DLG2: variants seen among roughly 807,000 people sequenced by gnomAD.
DLG2 encodes the protein discs large MAGUK scaffold protein 2, also known as disks large homolog 2.
In DLG2, 45 loss-of-function variants were observed where a neutral mutation model predicts 132.5. The observed-to-expected ratio is 0.34, with a 90% CI of 0.27 to 0.44. DLG2 has a LOEUF of 0.44. DLG2 is among the 20% of genes least tolerant of loss of function. The pLI is 1.00. For missense variants in DLG2, 1,045 were observed against 1,196.9 expected (o/e 0.87, Z 1.87); for synonymous variants, 424 against 419.6 (o/e 1.01, Z -0.13).
At chr11:85,079,159 G>A (rs1044194928) in intron 6 of DLG2, among the ~76,000 whole-genome samples, 8 of 152,042 alleles carry the variant, frequency 5.3e-5, no homozygotes, top group African/African-American at 1.9e-4. Context: ...TTTTCTGATT[G>A]GCAATTGTTT....
intron 6 of DLG2, among the ~76,000 whole-genome samples, chr11:84,535,046 G>T (rs111442510): frequency 6.6e-6 from 1 of 152,286 alleles, no homozygotes; most frequent in South Asian, 2.1e-4. Flanking sequence ...TAAGTGAGGA[G>T]GTAACCCTCC....
intron 8 of DLG2, among the ~76,000 whole-genome samples, chr11:84,233,237 T>C (rs1332626942): frequency 6.6e-6 from 1 of 152,182 alleles, no homozygotes. Flanking sequence ...TAACCGCTAC[T>C]CTAAAATAAT....
At chr11:84,684,351 G>A (rs2099736168) in intron 6 of DLG2, among the ~76,000 whole-genome samples, 1 of 152,128 alleles carries the variant, frequency 6.6e-6, no homozygotes, top group African/African-American at 2.4e-5. Context: ...TGTGGCCCAT[G>A]TCTTGACTTC....
chr11:83,473,494 A>G (rs1404366144), intron 22 of DLG2, among the ~76,000 whole-genome samples: 3 of 152,162 alleles, frequency 2.0e-5, no homozygotes, highest in African/African-American at 7.2e-5. Context: ...AACCATAGAA[A>G]GTAAATTGGT....
chr11:84,077,758 CAA>C (rs1312202414), intron 10 of DLG2, among the ~76,000 whole-genome samples: 1 of 152,086 alleles, frequency 6.6e-6, no homozygotes, highest in Admixed American at 6.5e-5. Flanking sequence ...TATTAATAAA[CAA>C]TATCTTCTTG....
chr11:83,819,469 CAAAA>C (rs398016925), intron 17 of DLG2, among the ~76,000 whole-genome samples: 4 of 28,128 alleles, frequency 1.4e-4, no homozygotes, highest in African/African-American at 1.5e-4. Context: ...GACTCTATCT[CAAAA>C]AAAAAAAAAA....
At position 84,237,074 on chromosome 11, in the gene DLG2, G is replaced by A. The variant is rs561525171; in HGVS notation, c.573+14164C>T. Among the ~76,000 whole-genome samples, 23 of 151,938 alleles carry A rather than the reference G, an allele frequency of 1.5e-4. No homozygotes were observed. The East Asian group carries it at 1.9e-3, about 13-fold the overall frequency. ...CTCCTGAGTAGCTGAGACTACAGGCGCGTGCCACCACCCCCGGCTAATTTT... is the reference window on the plus strand; with the variant it reads ...CTCCTGAGTAGCTGAGACTACAGGCACGTGCCACCACCCCCGGCTAATTTT... On this transcript the variant is annotated intron_variant, in intron 8 of 27. Coordinates refer to ENST00000376104, the MANE Select transcript of DLG2 (RefSeq NM_001142699.3).
chr11:84,540,358 A>C (rs2509030), intron 6 of DLG2, among the ~76,000 whole-genome samples: 56,728 of 150,130 alleles, frequency 0.38, 11,040 homozygotes, highest in South Asian at 0.53. Context: ...AAAAAAAAAA[A>C]AACCCCATCA....
chr11:85,583,120 GTGTGTGTGTGTATATA>G lies in DLG2; in HGVS notation c.40+15521_40+15536del, dbSNP rs1438149318. Among the ~76,000 whole-genome samples, 110 of 57,836 alleles carry G rather than the reference GTGTGTGTGTGTATATA, an allele frequency of 1.9e-3. 1 individual carries two copies. Among genetic ancestry groups the G allele is most frequent in the East Asian group, 0.018 (36 of 1,978 alleles). The allele number at this position is 57,836 out of a possible 152,430, so 37.9% of individuals were successfully genotyped here. ...TGTGTGTGTGTGTGTGTGTGTGTGT[GTGTGTGTGTGTATATA>G]TATATATATATATATATATATATAT... On this transcript the variant is annotated intron_variant, in intron 3 of 27. Transcript: ENST00000376104.
chr11:83,463,592 C>A (rs2136127985), intron 26 of DLG2, among the ~76,000 whole-genome samples: 1 of 152,262 alleles, frequency 6.6e-6, no homozygotes, highest in African/African-American at 2.4e-5. Context: ...AGTTCAAGAC[C>A]AGCCTGGGCA....
intron 8 of DLG2, among the ~76,000 whole-genome samples, chr11:84,231,310 C>T (rs1291237109): frequency 2.6e-5 from 4 of 152,124 alleles, no homozygotes; most frequent in African/African-American, 9.7e-5. Flanking sequence ...CCTTACAAGC[C>T]ATGGGTTGTC....
chr11:84,685,999 T>C (rs2099737860), intron 6 of DLG2, among the ~76,000 whole-genome samples: 2 of 152,318 alleles, frequency 1.3e-5, no homozygotes, highest in South Asian at 4.1e-4. Context: ...TTTTCTGTAT[T>C]CTTTAGGCCA....
intron 6 of DLG2, among the ~76,000 whole-genome samples, chr11:84,734,298 T>A (rs1417887964): frequency 6.6e-6 from 1 of 152,202 alleles, no homozygotes; most frequent in Non-Finnish European, 1.5e-5. Flanking sequence ...TTTGTTTGTA[T>A]CCTCTTTTAT....
chr11:84,224,543 G>A (rs2096962839), intron 8 of DLG2, among the ~76,000 whole-genome samples: 1 of 152,244 alleles, frequency 6.6e-6, no homozygotes, highest in South Asian at 2.1e-4. Flanking sequence ...TGTACTATGT[G>A]CCAGGCACTT....
chr11:84,711,031 T>TATAGAG (rs200669410), intron 6 of DLG2, among the ~76,000 whole-genome samples: 27 of 124,802 alleles, frequency 2.2e-4, no homozygotes, highest in South Asian at 4.6e-4. Flanking sequence ...TATATATATA[T>TATAGAG]AGAGCTGAAA....
chr11:83,639,343 T>C lies in DLG2; in HGVS notation c.1826-6018A>G, dbSNP rs188123774. On this transcript the variant is annotated intron_variant, in intron 18 of 27. Transcript: ENST00000376104. ...TTATGGCTGGCTGCATAGTATTCCATGGTGTATATGTGCCACATTTTCTTA... is the reference window on the plus strand; with the variant it reads ...TTATGGCTGGCTGCATAGTATTCCACGGTGTATATGTGCCACATTTTCTTA... Among the ~76,000 whole-genome samples the C allele has an allele frequency of 2.7e-3, 412 of 152,262 alleles. 2 individuals carry two copies. The highest frequency in any genetic ancestry group is 5.1e-3 in the Non-Finnish European group (344 of 68,016).
intron 15 of DLG2, among the ~76,000 whole-genome samples, chr11:83,929,481 T>C (rs2079726812): frequency 1.3e-5 from 2 of 152,246 alleles, no homozygotes; most frequent in Non-Finnish European, 2.9e-5. Context: ...CAGGCTACTA[T>C]GAAAAGAGGA....
chr11:84,889,637 A>T (rs1245709716), intron 6 of DLG2, among the ~76,000 whole-genome samples: 12 of 152,278 alleles, frequency 7.9e-5, no homozygotes, highest in African/African-American at 2.9e-4. Flanking sequence ...TGCTAATTTA[A>T]TTTTTTAAAT....
intron 6 of DLG2, among the ~76,000 whole-genome samples, chr11:84,590,370 C>T (rs931085527): frequency 1.3e-5 from 2 of 152,178 alleles, no homozygotes; most frequent in African/African-American, 2.4e-5. Flanking sequence ...GTTGGCTATG[C>T]TTGGCACGTT....
Sources: allele counts gnomAD v4.1 joint callset (sites outside exome capture counted in the v4.1 genomes callset), GRCh38; gene constraint gnomAD v4.1.1; transcripts MANE v1.5; gene names NCBI Gene and HGNC (gene_info 2026-07-23, HGNC 2026-07-21).